Variants in ABCC9 observed in about 807,000 individuals in gnomAD.
ABCC9 encodes the protein ATP-binding cassette sub-family C member 9.
A neutral mutation model predicts 188.3 loss-of-function variants in ABCC9; 95 were observed. The ratio of observed to expected loss-of-function variants is 0.50; its 90% CI spans 0.43 to 0.60. The LOEUF (loss-of-function observed/expected upper bound fraction) is 0.60. ABCC9 is among the 20% of genes least tolerant of loss of function. The pLI, the probability that ABCC9 is intolerant of heterozygous loss-of-function variation, is 0.00. For missense variants in ABCC9, 1,102 were observed against 1,876.3 expected, an observed-to-expected ratio of 0.59 and a Z score of 7.62; for synonymous variants, 659 against 652.7, an observed-to-expected ratio of 1.01 and a Z score of -0.15.
At chr12:21,938,980 A>G (rs191712809) in intron 2 of ABCC9, among the ~76,000 whole-genome samples, 1 of 152,316 alleles carries the variant, frequency 6.6e-6, no homozygotes, top group East Asian at 1.9e-4. Flanking sequence ...ACTACGTGCT[A>G]GTTACTAGGA....
intron 19 of ABCC9, among the ~76,000 whole-genome samples, chr12:21,864,225 G>A (rs1306807379): frequency 6.6e-6 from 1 of 152,148 alleles, no homozygotes; most frequent in Non-Finnish European, 1.5e-5. Flanking sequence ...GTGACTCAGT[G>A]AGAGGAAAAC....
chr12:21,831,335 T>C (rs1271050467), intron 30 of ABCC9: 1 of 152,118 alleles, frequency 6.6e-6, no homozygotes, highest in Non-Finnish European at 1.5e-5. Context: ...GCTAGGTACA[T>C]GTTTGGTAGA....
At chr12:21,845,910 A>G (rs1944641264) in intron 25 of ABCC9, 78 bp from the exon 26 acceptor site, 1 of 1,010,510 alleles carries the variant, frequency 9.9e-7, no homozygotes, top group Admixed American at 2.0e-5. Flanking sequence ...CAAATAGTAT[A>G]TAAACATTCA....
rs747004107 is a variant in ABCC9 at position 21,917,030 on chromosome 12, C to T, written c.480G>A (p.Leu160=). 5.0e-6 allele frequency: 8 copies of T among 1,613,814 alleles called. No homozygotes were observed. The South Asian group carries it at 7.7e-5, about 16-fold the overall frequency. ...TGCAGAAACGCAGGTTTGATATGTC[C>T]AAGCCAGACTGACAGTACTTAACCA... ...IKLVKYCQSG[L]DISNLRFCIT... The change falls in exon 6 of 40, where the codon TTG becomes TTA. Residue 160 remains leucine (L), a synonymous_variant. Coordinates refer to ENST00000261200, the MANE Select transcript of ABCC9 (RefSeq NM_020297.4).
chr12:21,871,172 A>G (rs753693146), intron 18 of ABCC9, among the ~76,000 whole-genome samples: 6 of 152,204 alleles, frequency 3.9e-5, no homozygotes, highest in Non-Finnish European at 8.8e-5. Context: ...AATTAAATCC[A>G]GTGGGATCTA....
intron 29 of ABCC9, among the ~76,000 whole-genome samples, chr12:21,839,902 A>G (rs1944294603): frequency 6.6e-6 from 1 of 152,210 alleles, no homozygotes; most frequent in Admixed American, 6.5e-5. Flanking sequence ...GATAGAAGGA[A>G]GTGGGAGAAG....
intron 32 of ABCC9, 117 bp from the exon 33 acceptor site, chr12:21,817,424 C>T: frequency 2.2e-6 from 2 of 900,228 alleles, no homozygotes. Flanking sequence ...TGTGATACAA[C>T]TCATAAGTGC....
In ABCC9 at chr12:21,859,657, G is replaced by A. The variant is rs1387288336; in HGVS notation, c.2434C>T (p.Leu812=). ...QTEIGERGIN[L]SGGQRQRICV... ...ATTCTCTGCCTCTGTCCCCCACTCA[G>A]GTTGATGCCCTAGAGAAGAGACACC... Residue 812 remains leucine, a synonymous_variant, in exon 22 of 40, where the codon CTG becomes TTG. Coordinates refer to ENST00000261200, the MANE Select transcript of ABCC9 (RefSeq NM_020297.4). 2.5e-6 allele frequency: 4 copies of A among 1,613,772 alleles called. No homozygotes were observed. The Admixed American group carries it at 6.7e-5, about 27-fold the overall frequency.
intron 5 of ABCC9, among the ~76,000 whole-genome samples, chr12:21,918,710 G>T (rs1438558417): frequency 6.6e-6 from 1 of 152,044 alleles, no homozygotes; most frequent in East Asian, 1.9e-4. Flanking sequence ...TTCTCACCAG[G>T]TTCTAGGTAT....
At chr12:21,838,029 TTGA>T in intron 30 of ABCC9, 46 bp downstream of exon 30, 1 of 1,365,874 alleles carries the variant, frequency 7.3e-7, no homozygotes, top group South Asian at 1.2e-5. Context: ...AAAATATTTG[TTGA>T]TGATGTTATT....
In ABCC9 at chr12:21,822,236, A is replaced by G. The variant is rs1482695346; in HGVS notation, c.3670-3985T>C. ...TTTTAAACTTTCTTTTTAAAGAAAA[A>G]GTCATTCAGGCTGTCTTTTAATTTT... On this transcript the variant is annotated intron_variant, in intron 31 of 39. Coordinates refer to ENST00000261200, the MANE Select transcript of ABCC9 (RefSeq NM_020297.4). Among the ~76,000 whole-genome samples, 6 of 152,038 alleles carry G rather than the reference A, an allele frequency of 3.9e-5. No individual in the cohort carries two copies. The South Asian group carries it at 1.2e-3, about 31-fold the overall frequency.
chr12:21,923,671 G>C (rs1948926899), intron 5 of ABCC9: 2 of 580,602 alleles, frequency 3.4e-6, no homozygotes, highest in Non-Finnish European at 6.1e-6. Flanking sequence ...CCTTGTTAGT[G>C]AGTATAAAAA....
Position 21,798,009 on chromosome 12 carries a change from T to G in ABCC9, c.*3035A>C, listed in dbSNP as rs2137068279. 1 of 152,320 alleles carries G rather than the reference T, an allele frequency of 6.6e-6. No individual in the cohort carries two copies. The highest frequency in any genetic ancestry group is 2.1e-4 in the South Asian group (1 of 4,830). 9.4% of individuals were successfully genotyped at this position (152,320 alleles called of 1,614,324 possible). On this transcript the variant is annotated 3_prime_UTR_variant, in exon 40 of 40. Transcript: ENST00000261200. ...GTGAATCTTTTTATATTCAATAGAT[T>G]ATATGTATAATAAATGGTTAATCAA...
rs755593674 is a variant in ABCC9, at chr12:21,815,777, T to C, written c.4009A>G (p.Lys1337Glu). Residue 1337 changes from lysine to glutamate, a missense_variant, in exon 34 of 40, where the codon AAA becomes GAA. Lys to Glu is a moderately conservative substitution (Grantham distance 56). Coordinates refer to ENST00000261200, the MANE Select transcript of ABCC9 (RefSeq NM_020297.4). ...TGATTTCATACCTTTTGTCCAGGTT[T>C]GATGTAAGCCTTGACGTGCTTAAGA... ...PVLKHVKAYI[K>E]PGQKVGICGR... is the part of the protein sequence containing the mutation. 6.2e-7 allele frequency: 1 copy of C among 1,613,110 alleles called. No homozygotes were observed. Among genetic ancestry groups the C allele is most frequent in the East Asian group, 2.2e-5 (1 of 44,776 alleles).
chr12:21,879,628 T>C (rs1036002030), intron 16 of ABCC9, among the ~76,000 whole-genome samples: 7 of 152,162 alleles, frequency 4.6e-5, no homozygotes, highest in African/African-American at 1.7e-4. Flanking sequence ...AAAAGAATTT[T>C]TTTTTTTTAA....
chr12:21,806,652 T>C (rs1308618212), intron 38 of ABCC9, among the ~76,000 whole-genome samples: 4 of 152,188 alleles, frequency 2.6e-5, no homozygotes, highest in East Asian at 1.9e-4. Flanking sequence ...CTCTTCTCTG[T>C]TGAGGCAGTA....
At chr12:21,911,661 A>G (rs1277428444) in intron 8 of ABCC9, among the ~76,000 whole-genome samples, 1 of 151,978 alleles carries the variant, frequency 6.6e-6, no homozygotes. Context: ...ATCAGTTTGG[A>G]CACTATTTTC....
chr12:21,911,077 A>G, intron 8 of ABCC9, 99 bp from the exon 9 acceptor site: 1 of 1,172,170 alleles, frequency 8.5e-7, no homozygotes, highest in Non-Finnish European at 1.2e-6. Context: ...ATTTAAATAC[A>G]AAAATTCAAT....
chr12:21,815,701 A>G, intron 34 of ABCC9, 62 bp downstream of exon 34: 1 of 1,596,658 alleles, frequency 6.3e-7, no homozygotes, highest in East Asian at 2.3e-5. Context: ...CTTAGGTAGT[A>G]AAAAAGCAGA....
Sources: gnomAD v4.1 joint callset for allele counts (sites outside exome capture counted in the v4.1 genomes callset) on GRCh38, gnomAD v4.1.1 for gene constraint, MANE v1.5 for transcripts, NCBI Gene and HGNC (gene_info 2026-07-23, HGNC 2026-07-21) for gene names.